Variants in GPRC5B observed in about 807,000 individuals in gnomAD.
GPRC5B encodes the protein G protein-coupled receptor class C group 5 member B.
A neutral mutation model predicts 30.1 loss-of-function variants in GPRC5B; 16 were observed. The ratio of observed to expected loss-of-function variants is 0.53; its 90% CI spans 0.36 to 0.81. The LOEUF (loss-of-function observed/expected upper bound fraction) is 0.81, where lower values mean the gene tolerates loss of function less well. Among genes scored for constraint, GPRC5B ranks in the 30% least tolerant of loss-of-function variants. The probability of loss-of-function intolerance (pLI) is 0.01; values close to 1 mark genes in which losing one functional copy is unlikely to be tolerated. For missense variants in GPRC5B, 428 were observed against 544.7 expected, an observed-to-expected ratio of 0.79 and a Z score of 2.13; for synonymous variants, 241 against 239.5, an observed-to-expected ratio of 1.01 and a Z score of -0.06.
At chr16:19,874,134 G>A (rs938914089) in intron 1 of GPRC5B, among the ~76,000 whole-genome samples, 1 of 152,034 alleles carries the variant, frequency 6.6e-6, no homozygotes, top group Non-Finnish European at 1.5e-5. Flanking sequence ...CACCTCCCAC[G>A]CTCGCTCTCT....
At chr16:19,870,593 T>C (rs1167235634) in intron 2 of GPRC5B, among the ~76,000 whole-genome samples, 4 of 152,144 alleles carry the variant, frequency 2.6e-5, no homozygotes, top group Admixed American at 6.5e-5. Context: ...GGGCCCAAAT[T>C]AGTACATTCC....
At chr16:19,860,975 T>TTC (rs1183137361) in intron 3 of GPRC5B, among the ~76,000 whole-genome samples, 9 of 151,714 alleles carry the variant, frequency 5.9e-5, no homozygotes, top group African/African-American at 2.2e-4. Context: ...AAATCTGTGA[T>TTC]TCTGTCTTTG....
chr16:19,879,509 G>GCA (rs57352012), intron 1 of GPRC5B, among the ~76,000 whole-genome samples: 23,257 of 152,028 alleles, frequency 0.15, 2,010 homozygotes, highest in Non-Finnish European at 0.19. Context: ...TGGAGGAACA[G>GCA]CACACTCTAT....
intron 1 of GPRC5B, among the ~76,000 whole-genome samples, chr16:19,884,049 C>T (rs930166810): frequency 1.3e-5 from 2 of 151,698 alleles, no homozygotes; most frequent in Non-Finnish European, 2.9e-5. Context: ...TTCCAGAGGT[C>T]CAAGTGCCCC....
chr16:19,881,536 C>G (rs940699461), intron 1 of GPRC5B, among the ~76,000 whole-genome samples: 1 of 152,198 alleles, frequency 6.6e-6, no homozygotes, highest in Non-Finnish European at 1.5e-5. Context: ...AATCCCAGCA[C>G]TTTAGGAGGC....
intron 1 of GPRC5B, among the ~76,000 whole-genome samples, chr16:19,879,691 G>T (rs899926680): frequency 1.3e-5 from 2 of 152,176 alleles, no homozygotes; most frequent in Non-Finnish European, 2.9e-5. Context: ...CTAGCACCTT[G>T]TGACTCTGGG....
At chr16:19,877,239 A>C (rs1023379238) in intron 1 of GPRC5B, among the ~76,000 whole-genome samples, 5 of 151,894 alleles carry the variant, frequency 3.3e-5, no homozygotes, top group Non-Finnish European at 5.9e-5. Flanking sequence ...CAGCCAGTTA[A>C]CTCCCCCAGC....
At chr16:19,883,298 C>A (rs1413759893) in intron 1 of GPRC5B, among the ~76,000 whole-genome samples, 2 of 152,170 alleles carry the variant, frequency 1.3e-5, no homozygotes, top group East Asian at 3.9e-4. Flanking sequence ...CTCCTGGAAT[C>A]TCCTTCCCTT....
In GPRC5B at chr16:19,859,700, A is replaced by C. The variant is rs2056604737; in HGVS notation, c.*800T>G. Reference sequence around the variant, plus strand: ...CCCGTAAGTGTAGGAACAGGGCGAGATGATCAAGGGAAGAAGGGACTGCTG... The same window carrying C: ...CCCGTAAGTGTAGGAACAGGGCGAGCTGATCAAGGGAAGAAGGGACTGCTG... On this transcript the variant is annotated 3_prime_UTR_variant, in exon 4 of 4. Coordinates refer to ENST00000300571, the MANE Select transcript of GPRC5B (RefSeq NM_016235.3). The C allele has an allele frequency of 6.6e-6, 1 of 152,632 alleles. No homozygotes were observed. Among genetic ancestry groups the C allele is most frequent in the East Asian group, 1.9e-4 (1 of 5,198 alleles). 9.5% of individuals were successfully genotyped at this position (152,632 alleles called of 1,614,324 possible).
rs2141134252 is a variant in GPRC5B, at chr16:19,858,030, C to T, written c.*2470G>A. On this transcript the variant is annotated 3_prime_UTR_variant, in exon 4 of 4. Coordinates refer to ENST00000300571, the MANE Select transcript of GPRC5B (RefSeq NM_016235.3). ...AGAGATTTTGATCACAGATGCTCTC[C>T]TCCCGGGTCGTTTTCCCCAAACGAG... 6.5e-6 allele frequency: 1 copy of T among 153,948 alleles called. No homozygotes were observed. The highest frequency in any genetic ancestry group is 2.1e-4 in the South Asian group (1 of 4,844). The allele number at this position is 153,948 out of a possible 1,614,324, so 9.5% of individuals were successfully genotyped here.
chr16:19,871,689 TG>T, intron 2 of GPRC5B, 126 bp downstream of exon 2: 1 of 796,246 alleles, frequency 1.3e-6, no homozygotes, highest in African/African-American at 1.7e-5. Flanking sequence ...AGTCAACATT[TG>T]TGGGTTCTGA....
chr16:19,860,269 T>C lies in GPRC5B; in HGVS notation c.*231A>G. 1 of 526,044 alleles carries C rather than the reference T, an allele frequency of 1.9e-6. No individual in the cohort carries two copies. 32.6% of individuals were successfully genotyped at this position (526,044 alleles called of 1,614,324 possible). On this transcript the variant is annotated 3_prime_UTR_variant, in exon 4 of 4. Coordinates refer to ENST00000300571, the MANE Select transcript of GPRC5B (RefSeq NM_016235.3). ...TTTAGTTTGCGGGGATTGAGGTTGG[T>C]CTGGTATTACGTGTCTGTGTGTGTG...
At chr16:19,875,597 G>A (rs1341827541) in intron 1 of GPRC5B, among the ~76,000 whole-genome samples, 1 of 152,098 alleles carries the variant, frequency 6.6e-6, no homozygotes, top group Admixed American at 6.6e-5. Flanking sequence ...GGCCAGTATG[G>A]TGAAACCCTG....
At chr16:19,874,260 C>T (rs997354116) in intron 1 of GPRC5B, among the ~76,000 whole-genome samples, 17 of 152,236 alleles carry the variant, frequency 1.1e-4, no homozygotes, top group African/African-American at 3.6e-4. Context: ...GCAGCCTCAG[C>T]GATGGGCCTA....
intron 2 of GPRC5B, among the ~76,000 whole-genome samples, chr16:19,867,777 C>A (rs768483970): frequency 6.6e-6 from 1 of 151,508 alleles, no homozygotes; most frequent in African/African-American, 2.4e-5. Flanking sequence ...CAAGGCCGGG[C>A]GTGGTGGCTC....
rs572984182 is a variant in GPRC5B, at chr16:19,857,714, C to G, written c.*2786G>C. The G allele has an allele frequency of 1.6e-5, 3 of 183,388 alleles. No homozygotes were observed. The South Asian group carries it at 3.2e-4, about 20-fold the overall frequency. 11.4% of individuals were successfully genotyped at this position (183,388 alleles called of 1,614,324 possible). ...ACCGAGACCACCACCCGAGTTCACC[C>G]TTGTTCAGTGGGTCCTGACGGCATC... is the stretch of plus-strand genomic sequence containing the variant. On this transcript the variant is annotated 3_prime_UTR_variant, in exon 4 of 4. Transcript: ENST00000300571.
upstream of GPRC5B, chr16:19,885,401 A>G: frequency 8.6e-7 from 1 of 1,162,120 alleles, no homozygotes; most frequent in Non-Finnish European, 1.1e-6. The surrounding 1 kb of genome is among the most constrained non-coding windows in gnomAD (Gnocchi z 5.3). Flanking sequence ...ACACACCGCT[A>G]GGCCTCCTCC....
At chr16:19,885,489 T>C (rs1416193854), upstream of GPRC5B, 2 of 1,137,924 alleles carry the variant, frequency 1.8e-6, no homozygotes, top group Non-Finnish European at 2.2e-6. The surrounding 1 kb of genome is among the most constrained non-coding windows in gnomAD (Gnocchi z 5.3). Context: ...TTACGCACAC[T>C]GGGACCAACA....
At chr16:19,877,554 G>A (rs764965173) in intron 1 of GPRC5B, among the ~76,000 whole-genome samples, 1 of 152,126 alleles carries the variant, frequency 6.6e-6, no homozygotes, top group Non-Finnish European at 1.5e-5. Context: ...ATTTCTGGGG[G>A]ATTCAGAAAT....
Sources: gnomAD v4.1 joint callset for allele counts (sites outside exome capture counted in the v4.1 genomes callset) on GRCh38, gnomAD v4.1.1 for gene constraint, Gnocchi (gnomAD v3.1) non-coding constraint, MANE v1.5 for transcripts, NCBI Gene and HGNC (gene_info 2026-07-23, HGNC 2026-07-21) for gene names.